Variants in NKTR observed in about 807,000 individuals in gnomAD.
NKTR encodes the protein natural killer cell triggering receptor, also known as NK-tumor recognition protein.
A neutral mutation model predicts 156.3 loss-of-function variants in NKTR; 67 were observed. The observed-to-expected ratio is 0.43, with a 90% CI of 0.35 to 0.53. The LOEUF is 0.53. Ranked by LOEUF, NKTR falls within the 20% of genes least tolerant of loss-of-function variation. The probability of loss-of-function intolerance (pLI) is 0.01; values close to 1 mark genes in which losing one functional copy is unlikely to be tolerated. For synonymous variants in NKTR, 640 were observed against 596.6 expected, an observed-to-expected ratio of 1.07 and a Z score of -1.06; for missense variants, 1,604 against 1,730.9, an observed-to-expected ratio of 0.93 and a Z score of 1.30.
chr3:42,643,650 T>C (rs1463447618), intron 15 of NKTR: 2 of 650,784 alleles, frequency 3.1e-6, no homozygotes, highest in Non-Finnish European at 2.8e-6. Context: ...ATCCACCAGG[T>C]TCAAACTAAC....
At chr3:42,619,628 T>A (rs1372348824) in intron 4 of NKTR, 36 bp from the exon 5 acceptor site, 9 of 1,602,416 alleles carry the variant, frequency 5.6e-6, no homozygotes, top group Non-Finnish European at 6.8e-6. Flanking sequence ...ATATTTTTAA[T>A]GTTCATTATG....
chr3:42,638,586 A>G lies in NKTR; in HGVS notation c.2882A>G (p.Glu961Gly). Residue 961 changes from glutamate to glycine, a missense_variant, in exon 13 of 17, where the codon GAG becomes GGG. This residue lies in a region of NKTR where 1,255 missense variants were observed against 1,243.7 expected (regional missense o/e 1.01). Coordinates refer to ENST00000232978, the MANE Select transcript of NKTR (RefSeq NM_005385.4). ...SKQRTSTSDS[E>G]GSCSNSENNR... The stretch of plus-strand genomic sequence containing the variant: ...CAGCGCACATCAACTTCTGACTCTG[A>G]GGGGTCCTGTTCCAATTCGGAAAAC... 6.2e-7 allele frequency: 1 copy of G among 1,614,110 alleles called. No individual in the cohort carries two copies. Among genetic ancestry groups the G allele is most frequent in the Non-Finnish European group, 8.5e-7 (1 of 1,180,012 alleles).
chr3:42,617,710 A>G, intron 3 of NKTR, 66 bp downstream of exon 3: 3 of 811,464 alleles, frequency 3.7e-6, no homozygotes, highest in Admixed American at 2.2e-5. Context: ...AACAGAATAG[A>G]TATTTTCCTG....
Position 42,601,026 on chromosome 3 carries a change from C to A in NKTR, c.20C>A (p.Pro7Gln), listed in dbSNP as rs2125748633. The part of the protein sequence containing the change: MGAQDR[P>Q]QCHFDIEINR... ...GTCGCGATGGGGGCGCAGGACCGGCCGCAGTGCCACTTCGACATCGAGATC... is the reference window on the plus strand; with the variant it reads ...GTCGCGATGGGGGCGCAGGACCGGCAGCAGTGCCACTTCGACATCGAGATC... The change falls in exon 2 of 17, where the codon CCG becomes CAG. Residue 7 changes from proline to glutamine, a missense_variant. Physicochemically the swap from Pro to Gln is moderately conservative, Grantham distance 76 (BLOSUM62 -1). This residue lies in a region of NKTR where 73 missense variants were observed against 90.7 expected (regional missense o/e 0.80). Coordinates refer to ENST00000232978, the MANE Select transcript of NKTR (RefSeq NM_005385.4). 6.3e-7 allele frequency: 1 copy of A among 1,581,612 alleles called. No homozygotes were observed. Among genetic ancestry groups the A allele is most frequent in the East Asian group, 2.3e-5 (1 of 42,578 alleles).
Position 42,637,227 on chromosome 3 carries a change from A to G in NKTR, c.1523A>G (p.Gln508Arg). The G allele has an allele frequency of 1.9e-6, 3 of 1,611,466 alleles. No homozygotes were observed. Among genetic ancestry groups the G allele is most frequent in the African/African-American group, 1.3e-5 (1 of 74,804 alleles). ...RDWSKSDKDV[Q>R]SSLTHSSRDS... is the part of the protein sequence containing the mutation. ...TGGTCTAAATCTGATAAGGATGTCC[A>G]GAGCTCTTTAACCCATTCCAGCAGA... The change falls in exon 13 of 17, where the codon CAG becomes CGG. Residue 508 changes from glutamine to arginine, a missense_variant. Physicochemically the swap from Gln to Arg is conservative, Grantham distance 43. Coordinates refer to ENST00000232978, the MANE Select transcript of NKTR (RefSeq NM_005385.4).
Position 42,633,316 on chromosome 3 carries a change from A to T in NKTR, c.774-264A>T, listed in dbSNP as rs995130955. On this transcript the variant is annotated intron_variant, in intron 9 of 16. Transcript: ENST00000232978. Reference sequence around the variant, plus strand: ...CTAAGACCCCTAAAGTACTGGGATTACAGGTGTGAGCCACAATGCCTGGCC... The same window carrying T: ...CTAAGACCCCTAAAGTACTGGGATTTCAGGTGTGAGCCACAATGCCTGGCC... 4 of 1,187,892 alleles carry T rather than the reference A, an allele frequency of 3.4e-6. No homozygotes were observed. In the African/African-American group the frequency reaches 4.7e-5, roughly 14 times the overall value. The allele number at this position is 1,187,892 out of a possible 1,614,324, so 73.6% of individuals were successfully genotyped here.
intron 6 of NKTR, chr3:42,627,901 A>G (rs17074673): frequency 0.14 from 140,253 of 984,808 alleles, 11,035 homozygotes; most frequent in African/African-American, 0.3. Context: ...TTAATTGAAG[A>G]TTTTGAAAGA....
Position 42,636,915 on chromosome 3 carries a change from A to G in NKTR, c.1211A>G (p.Gln404Arg). ...SSRWDERSLS[Q>R]RSRSWSYNGY... Reference sequence around the variant, plus strand: ...CGATGGGATGAAAGAAGCTTGTCTCAGAGATCCAGATCATGGTCCTATAAT... The same window carrying G: ...CGATGGGATGAAAGAAGCTTGTCTCGGAGATCCAGATCATGGTCCTATAAT... Residue 404 changes from glutamine (Q) to arginine (R), a missense_variant, in exon 13 of 17, where the codon CAG becomes CGG. By Grantham distance (43) the Gln-to-Arg change is conservative. This residue lies in a region of NKTR where 1,255 missense variants were observed against 1,243.7 expected (regional missense o/e 1.01). Transcript: ENST00000232978. The G allele has an allele frequency of 6.3e-7, 1 of 1,582,786 alleles. No individual in the cohort carries two copies. The highest frequency in any genetic ancestry group is 2.2e-5 in the East Asian group (1 of 44,754).
intron 9 of NKTR, 27 bp from the exon 10 acceptor site, chr3:42,633,553 T>G: frequency 6.3e-7 from 1 of 1,598,654 alleles, no homozygotes. Context: ...ATTATACATT[T>G]TAATCAGTGA....
At chr3:42,612,421 A>G (rs1706924501) in intron 2 of NKTR, 1 of 152,186 alleles carries the variant, frequency 6.6e-6, no homozygotes, top group South Asian at 2.1e-4. Context: ...TTTTGCCATT[A>G]CATAACTTTG....
intron 6 of NKTR, chr3:42,628,068 G>A (rs1708562119): frequency 1.0e-6 from 1 of 985,292 alleles, no homozygotes. Context: ...GCTTTACATT[G>A]GGATTTCTAC....
chr3:42,642,716 A>G, intron 14 of NKTR, 120 bp downstream of exon 14: 1 of 697,400 alleles, frequency 1.4e-6, no homozygotes, highest in Non-Finnish European at 2.6e-6. Context: ...CTACTGGCCT[A>G]TTTTCTCATG....
At chr3:42,617,760 A>T in intron 3 of NKTR, 116 bp downstream of exon 3, 1 of 579,318 alleles carries the variant, frequency 1.7e-6, no homozygotes, top group African/African-American at 2.0e-5. Context: ...TGTGAATTAA[A>T]AAAAAAAAAG....
chr3:42,637,956 A>T lies in NKTR; in HGVS notation c.2252A>T (p.Asp751Val). The T allele has an allele frequency of 6.2e-7, 1 of 1,613,996 alleles. No individual in the cohort carries two copies. Among genetic ancestry groups the T allele is most frequent in the Non-Finnish European group, 8.5e-7 (1 of 1,179,876 alleles). Reference protein sequence around the residue: ...SSSYTSISSDDGRRAKRRLRS... With the variant: ...SSSYTSISSDVGRRAKRRLRS... ...TCATATACTTCTATTAGCAGTGATG[A>T]TGGAAGGCGAGCTAAGAGGAGACTT... is the stretch of plus-strand genomic sequence containing the variant. The change falls in exon 13 of 17, where the codon GAT becomes GTT. Residue 751 changes from aspartate (D) to valine (V), a missense_variant. This residue lies in a region of NKTR where 1,255 missense variants were observed against 1,243.7 expected (regional missense o/e 1.01). Transcript: ENST00000232978.
chr3:42,645,796 T>A, intron 16 of NKTR, 92 bp from the exon 17 acceptor site: 1 of 762,702 alleles, frequency 1.3e-6, no homozygotes, highest in South Asian at 1.9e-5. Context: ...CTATTGATGT[T>A]TTCAAGCCAC....
intron 2 of NKTR, among the ~76,000 whole-genome samples, chr3:42,613,365 C>T (rs1464928643): frequency 6.6e-6 from 1 of 152,140 alleles, no homozygotes; most frequent in Non-Finnish European, 1.5e-5. Flanking sequence ...TGTTATGCTG[C>T]TCCTGTTTCT....
rs373678301 is a variant in NKTR, at chr3:42,634,716, C to A, written c.1017+16C>A. 7.0e-7 allele frequency: 1 copy of A among 1,432,974 alleles called. No individual in the cohort carries two copies. The highest frequency in any genetic ancestry group is 9.6e-7 in the Non-Finnish European group (1 of 1,040,240). The allele number at this position is 1,432,974 out of a possible 1,614,324, so 88.8% of individuals were successfully genotyped here. ...GGGCACAATTGTATGTGTGATAAGA[C>A]TTTTTTTGATATTATGTATCTAATA... On this transcript the variant is annotated intron_variant, in intron 11 of 16. Coordinates refer to ENST00000232978, the MANE Select transcript of NKTR (RefSeq NM_005385.4).
chr3:42,627,921 A>C (rs1210043155), intron 6 of NKTR: 7 of 985,086 alleles, frequency 7.1e-6, no homozygotes, highest in African/African-American at 1.7e-5. Flanking sequence ...ATTAAGAGTT[A>C]GTGAGATGAG....
chr3:42,641,840 T>C (rs1220019544), intron 13 of NKTR, among the ~76,000 whole-genome samples: 3 of 149,420 alleles, frequency 2.0e-5, no homozygotes, highest in South Asian at 2.1e-4. Flanking sequence ...ATCGCGCCAC[T>C]GCACTCCAGC....
Sources: allele counts gnomAD v4.1 joint callset (sites outside exome capture counted in the v4.1 genomes callset), GRCh38; gene constraint gnomAD v4.1.1; regional missense constraint gnomAD v4.1.1; transcripts MANE v1.5; gene names NCBI Gene and HGNC (gene_info 2026-07-23, HGNC 2026-07-21).